RORA: variants seen among roughly 807,000 people sequenced by gnomAD.
RORA encodes the protein nuclear receptor ROR-alpha.
Under a neutral mutation model 69.5 loss-of-function variants are expected in RORA, and 7 were observed. That is an observed-to-expected ratio of 0.10 (90% confidence interval 0.06 to 0.19). RORA has a LOEUF of 0.19. RORA is among the 10% of genes least tolerant of loss of function. RORA has a pLI of 1.00. For missense variants in RORA, 457 were observed against 663.0 expected (o/e 0.69, Z 3.41); for synonymous variants, 261 against 240.8 (o/e 1.08, Z -0.78).
At chr15:60,945,117 A>C (rs1892831516) in intron 1 of RORA, among the ~76,000 whole-genome samples, 1 of 152,250 alleles carries the variant, frequency 6.6e-6, no homozygotes, top group Non-Finnish European at 1.5e-5. Flanking sequence ...CAAATCCAGC[A>C]ATATGGGGCT....
intron 1 of RORA, among the ~76,000 whole-genome samples, chr15:61,113,018 A>G (rs2140789654): frequency 6.6e-6 from 1 of 152,092 alleles, no homozygotes; most frequent in South Asian, 2.1e-4. Context: ...GCAGGTAAAC[A>G]GAAAGCATTG....
intron 1 of RORA, among the ~76,000 whole-genome samples, chr15:60,959,604 G>A (rs1234106724): frequency 6.6e-6 from 1 of 152,094 alleles, no homozygotes; most frequent in Non-Finnish European, 1.5e-5. Flanking sequence ...GAGAGTCACC[G>A]TGCTAATGGG....
chr15:61,071,904 GACAGGGTATAGTGA>G (rs2078371081), intron 1 of RORA, among the ~76,000 whole-genome samples: 1 of 152,094 alleles, frequency 6.6e-6, no homozygotes, highest in African/African-American at 2.4e-5. Flanking sequence ...TGTTGGGTGG[GACAGGGTATAGTGA>G]ATGAGTAGAG....
intron 1 of RORA, among the ~76,000 whole-genome samples, chr15:60,965,134 C>A (rs1329267702): frequency 6.6e-6 from 1 of 152,186 alleles, no homozygotes; most frequent in Non-Finnish European, 1.5e-5. Flanking sequence ...AAGATACCTT[C>A]TTAGTCCAAC....
chr15:60,558,135 C>T (rs2067421619), intron 2 of RORA: 1 of 892,036 alleles, frequency 1.1e-6, no homozygotes, highest in Non-Finnish European at 1.8e-6. Context: ...CAGTGCCACA[C>T]CGGGGGAAAG....
At chr15:60,669,186 T>TC in intron 2 of RORA, among the ~76,000 whole-genome samples, 1 of 152,292 alleles carries the variant, frequency 6.6e-6, no homozygotes, top group South Asian at 2.1e-4. Flanking sequence ...CACTGCACAT[T>TC]CCATGCCTCT....
Position 61,058,125 on chromosome 15 carries a change from T to A in RORA, c.166+170928A>T, listed in dbSNP as rs949444866. 2.0e-5 allele frequency among the ~76,000 whole-genome samples: 3 copies of A among 151,494 alleles called. No individual in the cohort carries two copies. In the South Asian group the frequency reaches 6.3e-4, roughly 32 times the overall value. ...ATCAGACTGTGATGAGGGCAGGGGG[T>A]CCCCTGGTAGGGAGGGGAGCAAGAG... On this transcript the variant is annotated intron_variant, in intron 1 of 10. Transcript: ENST00000335670.
At chr15:61,150,948 A>G in intron 1 of RORA, among the ~76,000 whole-genome samples, 1 of 152,228 alleles carries the variant, frequency 6.6e-6, no homozygotes, top group East Asian at 1.9e-4. Context: ...GAGCTTTTAA[A>G]TTATTAGAAG....
chr15:61,172,615 G>A (rs2079595275), intron 1 of RORA, among the ~76,000 whole-genome samples: 1 of 152,050 alleles, frequency 6.6e-6, no homozygotes, highest in Non-Finnish European at 1.5e-5. Context: ...ACCTCAGGAG[G>A]GACCAATTCA....
chr15:60,784,655 T>G (rs1205998204), intron 1 of RORA, among the ~76,000 whole-genome samples: 4 of 152,186 alleles, frequency 2.6e-5, no homozygotes, highest in Non-Finnish European at 5.9e-5. Flanking sequence ...GCTGTAAAAT[T>G]GAAGAGAAAG....
chr15:60,854,668 T>C lies in RORA; in HGVS notation c.167-175982A>G, dbSNP rs149649494. ...CTTCCTAGCAACAGAAATACATAAA[T>C]AACAAATACTTATGATGATTATCCC... On this transcript the variant is annotated intron_variant, in intron 1 of 10. Transcript: ENST00000335670. Among the ~76,000 whole-genome samples the C allele has an allele frequency of 1.2e-3, 176 of 152,288 alleles. 1 individual carries two copies. Among genetic ancestry groups the C allele is most frequent in the African/African-American group, 3.0e-3 (126 of 41,566 alleles).
At chr15:60,840,590 G>A (rs1018003140) in intron 1 of RORA, among the ~76,000 whole-genome samples, 4 of 152,248 alleles carry the variant, frequency 2.6e-5, no homozygotes, top group African/African-American at 9.6e-5. Flanking sequence ...AATCAAGAGA[G>A]TGAGATGTTT....
intron 1 of RORA, among the ~76,000 whole-genome samples, chr15:60,745,763 G>C (rs1015657055): frequency 7.2e-5 from 11 of 152,198 alleles, no homozygotes; most frequent in African/African-American, 1.2e-4. Flanking sequence ...GTGTTCACCT[G>C]CTTCATTTTT....
chr15:60,535,663 G>C (rs1394299725), intron 2 of RORA, among the ~76,000 whole-genome samples: 2 of 152,016 alleles, frequency 1.3e-5, no homozygotes, highest in Non-Finnish European at 2.9e-5. Flanking sequence ...AGATAACATG[G>C]TCCAGAGAAC....
At chr15:60,861,079 G>A (rs2073431854) in intron 1 of RORA, among the ~76,000 whole-genome samples, 1 of 152,122 alleles carries the variant, frequency 6.6e-6, no homozygotes, top group Non-Finnish European at 1.5e-5. Flanking sequence ...CTCTGAAAAC[G>A]ACCTTTTGGC....
intron 1 of RORA, among the ~76,000 whole-genome samples, chr15:60,943,945 G>C (rs79209790): frequency 0.021 from 1,448 of 68,378 alleles, 36 homozygotes; most frequent in African/African-American, 0.061. Context: ...AAAAAAGTGA[G>C]TAATGGGTCA....
At chr15:61,163,819 C>T (rs1483045059) in intron 1 of RORA, among the ~76,000 whole-genome samples, 2 of 152,214 alleles carry the variant, frequency 1.3e-5, no homozygotes, top group East Asian at 3.9e-4. Flanking sequence ...CAAAGGACCA[C>T]ACTGAGCTCT....
chr15:60,888,703 T>C (rs1189911311), intron 1 of RORA, among the ~76,000 whole-genome samples: 1 of 152,174 alleles, frequency 6.6e-6, no homozygotes, highest in Non-Finnish European at 1.5e-5. Context: ...CTGGCTCTCC[T>C]CAAGATTCTC....
intron 1 of RORA, among the ~76,000 whole-genome samples, chr15:60,889,067 C>A (rs541323048): frequency 5.9e-5 from 9 of 152,352 alleles, no homozygotes; most frequent in Admixed American, 5.9e-4. Flanking sequence ...CCTCTCCTGA[C>A]CCTTCTCTGC....
Sources: gnomAD v4.1 joint callset for allele counts (sites outside exome capture counted in the v4.1 genomes callset) on GRCh38, gnomAD v4.1.1 for gene constraint, MANE v1.5 for transcripts, NCBI Gene and HGNC (gene_info 2026-07-23, HGNC 2026-07-21) for gene names.